SLC25A21: variants seen among roughly 807,000 people sequenced by gnomAD.
SLC25A21 encodes mitochondrial 2-oxodicarboxylate carrier.
Under a neutral mutation model 43.8 loss-of-function variants are expected in SLC25A21, and 47 were observed. The ratio of observed to expected loss-of-function variants is 1.07; its 90% CI spans 0.85 to 1.37. The LOEUF (loss-of-function observed/expected upper bound fraction) is 1.37, where lower values mean the gene tolerates loss of function less well. SLC25A21 is among the 40% of genes most tolerant of loss of function. The pLI, the probability that SLC25A21 is intolerant of heterozygous loss-of-function variation, is 0.00. For missense variants in SLC25A21, 352 were observed against 350.2 expected (o/e 1.00, Z -0.04); for synonymous variants, 131 against 121.3 (o/e 1.08, Z -0.52).
At chr14:36,769,620 G>C (rs712326) in intron 3 of SLC25A21, among the ~76,000 whole-genome samples, 88,716 of 151,904 alleles carry the variant, frequency 0.58, 26,365 homozygotes, top group East Asian at 0.89. Context: ...TTTGCGTGGT[G>C]CATGTTTACA....
At chr14:36,896,978 A>C (rs1100266) in intron 1 of SLC25A21, among the ~76,000 whole-genome samples, 149,336 of 152,248 alleles carry the variant, frequency 0.98, 73,306 homozygotes, top group East Asian at 1. Context: ...AACATTTTTT[A>C]CTTCATTTCG....
intron 2 of SLC25A21, among the ~76,000 whole-genome samples, chr14:36,845,552 T>A (rs533895671): frequency 8.5e-5 from 13 of 152,266 alleles, no homozygotes; most frequent in Non-Finnish European, 1.6e-4. Context: ...AAGTATTGCA[T>A]GAGGCACTGG....
intron 1 of SLC25A21, among the ~76,000 whole-genome samples, chr14:37,171,660 TACA>T (rs888698014): frequency 4.6e-5 from 7 of 152,204 alleles, no homozygotes; most frequent in Non-Finnish European, 8.8e-5. Context: ...TAAGATTAAT[TACA>T]ACATTTTTTT....
chr14:37,075,136 G>A (rs982315450), intron 1 of SLC25A21, among the ~76,000 whole-genome samples: 7 of 152,096 alleles, frequency 4.6e-5, no homozygotes, highest in South Asian at 2.1e-4. Context: ...TTGAAACCAC[G>A]TGCAATGTTT....
At position 36,813,977 on chromosome 14, in the gene SLC25A21, G is replaced by T. The variant is rs745314658; in HGVS notation, c.144C>A (p.Thr48=). The T allele has an allele frequency of 6.2e-7, 1 of 1,607,078 alleles. No homozygotes were observed. Among genetic ancestry groups the T allele is most frequent in the African/African-American group, 1.3e-5 (1 of 74,620 alleles). The change falls in exon 3 of 10, where the codon ACC becomes ACA. Residue 48 remains threonine, a synonymous_variant. Transcript: ENST00000331299. The stretch of plus-strand genomic sequence containing the variant: ...CCAAGCTTTTATAACTGTTTGGATC[G>T]GTTGCACATCTCTGAATCTGAAACC... ...KTRFQIQRCA[T]DPNSYKSLVD...
At chr14:36,743,502 A>G (rs1389344474) in intron 3 of SLC25A21, among the ~76,000 whole-genome samples, 1 of 152,088 alleles carries the variant, frequency 6.6e-6, no homozygotes, top group Non-Finnish European at 1.5e-5. Context: ...ATCATGGAGC[A>G]AAAAAAGTCC....
chr14:37,091,236 C>A (rs553514625), intron 1 of SLC25A21, among the ~76,000 whole-genome samples: 1 of 152,036 alleles, frequency 6.6e-6, no homozygotes, highest in Non-Finnish European at 1.5e-5. Context: ...ACATCCAGAC[C>A]AGCCTGGCTA....
chr14:37,134,886 A>G (rs936947174), intron 1 of SLC25A21, among the ~76,000 whole-genome samples: 1 of 151,288 alleles, frequency 6.6e-6, no homozygotes, highest in African/African-American at 2.4e-5. Flanking sequence ...TGAGTCCAGG[A>G]GTTCAAGACC....
At chr14:36,708,752 T>G (rs990574787) in intron 7 of SLC25A21, among the ~76,000 whole-genome samples, 4 of 149,472 alleles carry the variant, frequency 2.7e-5, no homozygotes, top group Admixed American at 1.3e-4. Context: ...TAGTTTTTTT[T>G]TTTTTTTTTT....
At chr14:36,838,522 T>C (rs932738130) in intron 2 of SLC25A21, among the ~76,000 whole-genome samples, 5 of 152,156 alleles carry the variant, frequency 3.3e-5, no homozygotes, top group African/African-American at 1.2e-4. Flanking sequence ...TCATGGTCTG[T>C]TCCTGCCAAG....
intron 2 of SLC25A21, among the ~76,000 whole-genome samples, chr14:36,835,809 A>T (rs983539033): frequency 6.6e-6 from 1 of 152,122 alleles, no homozygotes; most frequent in African/African-American, 2.4e-5. Context: ...CTTTTTCTCC[A>T]TCTTCCTTCT....
At chr14:36,970,288 C>T (rs1040426962) in intron 1 of SLC25A21, among the ~76,000 whole-genome samples, 26 of 151,958 alleles carry the variant, frequency 1.7e-4, no homozygotes, top group African/African-American at 5.3e-4. Flanking sequence ...TGTGGTTGTC[C>T]AGGATGGTAT....
chr14:36,680,558 C>T lies in SLC25A21; in HGVS notation c.*100G>A. On this transcript the variant is annotated 3_prime_UTR_variant, in exon 10 of 10. Transcript: ENST00000331299. The stretch of plus-strand genomic sequence containing the variant: ...GATTTTGTTCTTGAACAGTTTTCTC[C>T]TTCATAATTATACACCTGGCCGATC... 1.4e-6 allele frequency: 2 copies of T among 1,437,286 alleles called. No homozygotes were observed. The highest frequency in any genetic ancestry group is 1.7e-5 in the South Asian group (1 of 58,350). The allele number at this position is 1,437,286 out of a possible 1,614,324, so 89.0% of individuals were successfully genotyped here. A position where few individuals can be genotyped will look rare whatever the true frequency, so the allele number is the denominator to read the frequency against.
intron 1 of SLC25A21, among the ~76,000 whole-genome samples, chr14:37,122,992 T>G (rs902005377): frequency 6.6e-6 from 1 of 152,224 alleles, no homozygotes; most frequent in African/African-American, 2.4e-5. Context: ...TACTTGCTTC[T>G]CAAAAGCTGA....
intron 1 of SLC25A21, among the ~76,000 whole-genome samples, chr14:37,113,307 A>T (rs1293679233): frequency 3.9e-5 from 6 of 152,172 alleles, no homozygotes; most frequent in Non-Finnish European, 5.9e-5. Flanking sequence ...TGGATTTGGC[A>T]TGGAATTGAT....
intron 1 of SLC25A21, among the ~76,000 whole-genome samples, chr14:37,035,394 G>A (rs1238018988): frequency 1.3e-5 from 2 of 152,204 alleles, no homozygotes; most frequent in South Asian, 2.1e-4. Context: ...CTTCACGAGA[G>A]TAGCTATAAT....
intron 1 of SLC25A21, among the ~76,000 whole-genome samples, chr14:37,114,719 G>A (rs1396864206): frequency 3.9e-5 from 6 of 152,046 alleles, no homozygotes; most frequent in Admixed American, 2.0e-4. Context: ...ACCAATTCCT[G>A]TTGTTTACAC....
chr14:36,847,572 T>C (rs1889586276), intron 2 of SLC25A21, among the ~76,000 whole-genome samples: 1 of 152,098 alleles, frequency 6.6e-6, no homozygotes, highest in African/African-American at 2.4e-5. Context: ...GAGGAGGTGA[T>C]ATCTGAGGAG....
chr14:36,694,461 A>G (rs1359581999), intron 7 of SLC25A21, among the ~76,000 whole-genome samples: 12 of 152,210 alleles, frequency 7.9e-5, no homozygotes. Context: ...TGGTAATTCT[A>G]GTTCTAGATC....
Sources: allele counts gnomAD v4.1 joint callset (sites outside exome capture counted in the v4.1 genomes callset), GRCh38; gene constraint gnomAD v4.1.1; transcripts MANE v1.5; gene names NCBI Gene and HGNC (gene_info 2026-07-23, HGNC 2026-07-21).